Variants in MYH4 observed in about 807,000 individuals in gnomAD.
The protein encoded by MYH4 is myosin-4.
MYH4 carries 200 observed loss-of-function variants against 229.9 expected under a neutral mutation model. That is an observed-to-expected ratio of 0.87 (90% CI 0.78 to 0.98). The LOEUF is 0.98. Among genes scored for constraint, MYH4 ranks in the 50% least tolerant of loss-of-function variants. The pLI is 0.00. For synonymous variants in MYH4, 761 were observed against 834.6 expected (o/e 0.91, Z 1.52); for missense variants, 2,148 against 2,332.6 (o/e 0.92, Z 1.63).
Position 10,445,744 on chromosome 17 carries a change from G to A in MYH4, c.5170-382C>T, listed in dbSNP as rs144329225. The stretch of plus-strand genomic sequence containing the variant: ...TTATAAATGCATAAATAGTTGTCTT[G>A]TTGGCTGGGCGCAGTGGCTCATGCC... On this transcript the variant is annotated intron_variant, in intron 35 of 39. Transcript: ENST00000255381. Among the ~76,000 whole-genome samples the A allele has an allele frequency of 1.8e-3, 267 of 152,100 alleles. 2 individuals carry two copies. The highest frequency in any genetic ancestry group is 6.2e-3 in the African/African-American group (259 of 41,492).
chr17:10,455,973 T>C, intron 17 of MYH4, 72 bp from the exon 18 acceptor site: 3 of 1,571,638 alleles, frequency 1.9e-6, no homozygotes, highest in Non-Finnish European at 1.7e-6. Context: ...TCAATATTTG[T>C]CTTTCATTTC....
Position 10,448,133 on chromosome 17 carries a change from A to G in MYH4, c.4657-7T>C, listed in dbSNP as rs1369467486. 11 of 1,600,388 alleles carry G rather than the reference A, an allele frequency of 6.9e-6. No homozygotes were observed. The highest frequency in any genetic ancestry group is 8.5e-6 in the Non-Finnish European group (10 of 1,173,972). On this transcript the variant is annotated splice_polypyrimidine_tract_variant and splice_region_variant and intron_variant, in intron 33 of 39. Transcript: ENST00000255381. ...CTTCATGCTCAAGAGATGCCTTAAT[A>G]AAAGCAACATTTATTTAGGTTACCT...
Position 10,450,560 on chromosome 17 carries a change from C to T in MYH4, c.4074G>A (p.Lys1358=), listed in dbSNP as rs747638460. The T allele has an allele frequency of 2.5e-6, 4 of 1,614,202 alleles. No homozygotes were observed. In the South Asian group the frequency reaches 3.3e-5, roughly 13 times the overall value. ...REQYEEEQEA[K]AELQRGMSKA... ...TGGACATTCCCCTCTGCAGCTCAGC[C>T]TTGGCTTCCTGCTCCTCCTCATACT... Residue 1358 remains lysine, a synonymous_variant, in exon 30 of 40, where the codon AAG becomes AAA. Transcript: ENST00000255381.
rs371849888 is a variant in MYH4 at position 10,446,499 on chromosome 17, GCCATTGTGAGGATATACCA to G, written c.5169+495_5169+513del. ...TTCATACTACAGTGGTTACATATTA[GCCATTGTGAGGATATACCA>G]CCATTTATTTAACAAATTCACTATA... is the stretch of plus-strand genomic sequence containing the variant. On this transcript the variant is annotated intron_variant, in intron 35 of 39. Transcript: ENST00000255381. Among the ~76,000 whole-genome samples the G allele has an allele frequency of 8.1e-3, 1,231 of 152,162 alleles. 20 individuals are homozygous for G. The highest frequency in any genetic ancestry group is 0.028 in the African/African-American group (1,176 of 41,504).
At chr17:10,451,002 C>T in intron 28 of MYH4, 107 bp from the exon 29 acceptor site, 2 of 995,876 alleles carry the variant, frequency 2.0e-6, no homozygotes, top group South Asian at 3.2e-5. Flanking sequence ...TGAAAAAACC[C>T]CTCAAGATTT....
At position 10,448,287 on chromosome 17, in the gene MYH4, A is replaced by G. The variant is rs564510907; in HGVS notation, c.4656+109T>C. 122 of 1,362,820 alleles carry G rather than the reference A, an allele frequency of 9.0e-5. No homozygotes were observed. In the African/African-American group the frequency reaches 1.6e-3, roughly 18 times the overall value. The allele number at this position is 1,362,820 out of a possible 1,614,324, so 84.4% of individuals were successfully genotyped here. On this transcript the variant is annotated intron_variant, in intron 33 of 39. Coordinates refer to ENST00000255381, the MANE Select transcript of MYH4 (RefSeq NM_017533.2). ...CTCAAGGTACAATTCAGTATTTTTC[A>G]CTGAATTACTTGTGTTATTCCCTAA... is the stretch of plus-strand genomic sequence containing the variant.
At chr17:10,464,816 A>C (rs891432117) in intron 5 of MYH4, 108 bp from the exon 6 acceptor site, 5 of 1,057,582 alleles carry the variant, frequency 4.7e-6, no homozygotes, top group Non-Finnish European at 6.9e-6. Context: ...CATTTGCAAA[A>C]ATAACTATAT....
In MYH4 at chr17:10,455,688, G is replaced by T. The variant is rs148235877; in HGVS notation, c.2100C>A (p.Asn700Lys). The change falls in exon 19 of 40, where the codon AAC becomes AAA. Residue 700 changes from asparagine (N) to lysine (K), a missense_variant. Asn to Lys is a moderately conservative substitution (Grantham distance 94). Coordinates refer to ENST00000255381, the MANE Select transcript of MYH4 (RefSeq NM_017533.2). ...HELVLHQLRC[N>K]GVLEGIRICR... is the part of the protein sequence containing the mutation. ...AGATGCGGATGCCTTCCAGCACACCGTTACACCTCAGCTGATGCAGGACAA... is the reference window on the plus strand; with the variant it reads ...AGATGCGGATGCCTTCCAGCACACCTTTACACCTCAGCTGATGCAGGACAA... 1.2e-6 allele frequency: 2 copies of T among 1,614,016 alleles called. No homozygotes were observed. The highest frequency in any genetic ancestry group is 1.7e-5 in the Admixed American group (1 of 59,994).
intron 10 of MYH4, 53 bp downstream of exon 10, chr17:10,463,037 T>C: frequency 6.3e-7 from 1 of 1,589,888 alleles, no homozygotes; most frequent in Non-Finnish European, 8.6e-7. Flanking sequence ...TCAGAGAGGC[T>C]TCTTAGAAGG....
intron 30 of MYH4, among the ~76,000 whole-genome samples, chr17:10,449,580 A>C (rs2072549861): frequency 2.0e-5 from 3 of 152,230 alleles, no homozygotes; most frequent in African/African-American, 7.2e-5. Flanking sequence ...ATTGAGTAGT[A>C]TCTTTAAGCA....
intron 35 of MYH4, among the ~76,000 whole-genome samples, chr17:10,445,901 G>A (rs371069317): frequency 7.8e-4 from 118 of 151,780 alleles, no homozygotes; most frequent in African/African-American, 2.6e-3. Context: ...GGTGGTGGGC[G>A]CCTGTAGTCC....
chr17:10,454,993 TG>T lies in MYH4; in HGVS notation c.2382del (p.Ile795TyrfsTer6), dbSNP rs1441819659. On this transcript the variant is annotated frameshift_variant, in exon 21 of 40. Transcript: ENST00000255381. LOFTEE classifies it high-confidence loss of function. ...KLAQLITRTQ[A>X]ICRGFLMRVE... ...ACTCTCATCAGGAACCCTCTGCATA[TG>T]GCTTGAGTGCGCGTGATGAGTTGAG... The T allele has an allele frequency of 6.2e-7, 1 of 1,614,106 alleles. No individual in the cohort carries two copies. Among genetic ancestry groups the T allele is most frequent in the Non-Finnish European group, 8.5e-7 (1 of 1,180,054 alleles).
In MYH4 at chr17:10,447,863, A is replaced by C; in HGVS notation, c.4920T>G (p.Ala1640=). The C allele has an allele frequency of 6.2e-7, 1 of 1,613,922 alleles. No individual in the cohort carries two copies. The highest frequency in any genetic ancestry group is 8.5e-7 in the Non-Finnish European group (1 of 1,179,932). Residue 1640 remains alanine (A), a synonymous_variant, in exon 34 of 40, where the codon GCT becomes GCG. Coordinates refer to ENST00000255381, the MANE Select transcript of MYH4 (RefSeq NM_017533.2). ...EIQLNHANRQ[A]AEALRNLRNT... is the part of the protein sequence containing the mutation. The stretch of plus-strand genomic sequence containing the variant: ...TTCTAAGATTCCTTAGTGCCTCAGC[A>C]GCCTGGCGGTTGGCATGGTTCAGCT...
chr17:10,444,678 T>C lies in MYH4; in HGVS notation c.5593A>G (p.Ile1865Val), dbSNP rs2072490809. The C allele has an allele frequency of 1.2e-6, 2 of 1,613,882 alleles. No individual in the cohort carries two copies. The highest frequency in any genetic ancestry group is 2.7e-5 in the African/African-American group (2 of 74,888). The change falls in exon 39 of 40, where the codon ATT becomes GTT. Residue 1865 changes from isoleucine (I) to valine (V), a missense_variant. Coordinates refer to ENST00000255381, the MANE Select transcript of MYH4 (RefSeq NM_017533.2). Reference protein sequence around the residue: ...TYQTEEDRKNILRLQDLVDKL... With the variant: ...TYQTEEDRKNVLRLQDLVDKL... ...TCCACCAAGTCCTGCAGCCTGAGAA[T>C]ATTCTTGCGGTCCTCCTCAGTCTGA...
chr17:10,448,487 TC>T lies in MYH4; in HGVS notation c.4564del (p.Glu1522ArgfsTer12). 6.2e-7 allele frequency: 1 copy of T among 1,613,996 alleles called. No homozygotes were observed. Among genetic ancestry groups the T allele is most frequent in the Non-Finnish European group, 8.5e-7 (1 of 1,179,956 alleles). The part of the protein sequence containing the change: ...EISDLTEQIA[E>X]GGKHIHELEK... ...CAGTTCATGGATATGCTTTCCACCC[TC>T]TGCAATTTGCTCTGTCAGGTCAGAA... On this transcript the variant is annotated frameshift_variant, in exon 33 of 40. Transcript: ENST00000255381. LOFTEE classifies it high-confidence loss of function.
At chr17:10,467,649 A>T (rs1424527454) in intron 2 of MYH4, among the ~76,000 whole-genome samples, 1 of 152,148 alleles carries the variant, frequency 6.6e-6, no homozygotes, top group Non-Finnish European at 1.5e-5. Flanking sequence ...TTAAAATCTG[A>T]TTCTTATTTT....
chr17:10,453,459 A>G, intron 23 of MYH4, 131 bp from the exon 24 acceptor site: 3 of 1,559,600 alleles, frequency 1.9e-6, no homozygotes, highest in Non-Finnish European at 2.6e-6. Context: ...ACCCAGGCCT[A>G]TAATGGCTGA....
rs1445341628 is a variant in MYH4, at chr17:10,463,339, T to C, written c.804A>G (p.Thr268=). Residue 268 remains threonine, a splice_region_variant and synonymous_variant, in exon 9 of 40, where the codon ACA becomes ACG. Transcript: ENST00000255381. ...AATCACTAATATTTATTAACTTACA[T>C]GTTTCAATATCTGCAGAAGCCAGTT... ...TGKLASADIE[T]YLLEKSRVTF... 2 of 1,607,230 alleles carry C rather than the reference T, an allele frequency of 1.2e-6. No individual in the cohort carries two copies. Among genetic ancestry groups the C allele is most frequent in the Non-Finnish European group, 1.7e-6 (2 of 1,176,166 alleles).
intron 30 of MYH4, among the ~76,000 whole-genome samples, chr17:10,449,264 G>A (rs986226479): frequency 1.8e-4 from 27 of 152,086 alleles, no homozygotes; most frequent in African/African-American, 6.3e-4. Context: ...CGAAGCACCT[G>A]TGTGTGTGTA....
Sources: gnomAD v4.1 joint callset for allele counts (sites outside exome capture counted in the v4.1 genomes callset) on GRCh38, gnomAD v4.1.1 for gene constraint, MANE v1.5 for transcripts, NCBI Gene and HGNC (gene_info 2026-07-23, HGNC 2026-07-21) for gene names.